The following SEPTIN9 variants were observed in gnomAD, a reference collection of about 807,000 sequenced individuals.
SEPTIN9 encodes septin 9.
A neutral mutation model predicts 56.6 loss-of-function variants in SEPTIN9; 13 were observed. The observed-to-expected ratio is 0.23, with a 90% CI of 0.15 to 0.37. SEPTIN9 has a LOEUF of 0.37. Ranked by LOEUF, SEPTIN9 falls within the 10% of genes least tolerant of loss-of-function variation. The pLI is 1.00. For missense variants in SEPTIN9, 650 were observed against 823.1 expected, an observed-to-expected ratio of 0.79 and a Z score of 2.57; for synonymous variants, 332 against 334.1, an observed-to-expected ratio of 0.99 and a Z score of 0.07.
chr17:77,420,228 G>A (rs2036650622), intron 3 of SEPTIN9, among the ~76,000 whole-genome samples: 1 of 152,220 alleles, frequency 6.6e-6, no homozygotes, highest in African/African-American at 2.4e-5. Flanking sequence ...GCTCTGTCTG[G>A]GGACCTTCTG....
At chr17:77,471,657 G>T (rs1431826802) in intron 3 of SEPTIN9, among the ~76,000 whole-genome samples, 1 of 152,198 alleles carries the variant, frequency 6.6e-6, no homozygotes, top group Non-Finnish European at 1.5e-5. Context: ...CCTGATAAGA[G>T]GAAATTCCAG....
Position 77,488,838 on chromosome 17 carries a change from C to G in SEPTIN9, c.1236C>G (p.Leu412=), listed in dbSNP as rs770323969. The G allele has an allele frequency of 1.9e-6, 3 of 1,613,750 alleles. No individual in the cohort carries two copies. ...CGGACACCCGCGTCCACTGCTGCCT[C>G]TACTTCATCCCCGCCACCGGCCACT... ...RIPDTRVHCC[L]YFIPATGHSL... The change falls in exon 7 of 12, where the codon CTC becomes CTG. Residue 412 remains leucine (L), a synonymous_variant. Coordinates refer to ENST00000427177, the MANE Select transcript of SEPTIN9 (RefSeq NM_001113491.2).
In SEPTIN9 at chr17:77,402,239, C is replaced by T. The variant is rs745723320; in HGVS notation, c.257C>T (p.Pro86Leu). 6.2e-7 allele frequency: 1 copy of T among 1,613,412 alleles called. No homozygotes were observed. Among genetic ancestry groups the T allele is most frequent in the Non-Finnish European group, 8.5e-7 (1 of 1,179,874 alleles). The change falls in exon 3 of 12, where the codon CCC (proline) becomes CTC (leucine). Residue 86 changes from proline (P) to leucine (L), a missense_variant. Transcript: ENST00000427177. The surrounding 1 kb of genome is among the most constrained non-coding windows in gnomAD (Gnocchi z 6.6). The part of the protein sequence containing the change: ...RHVDSLSQRS[P>L]KASLRRVELS... Reference sequence around the variant, plus strand: ...GTGGACTCCCTAAGCCAACGCTCCCCCAAGGCGTCCCTGCGGAGGGTGGAG... The same window carrying T: ...GTGGACTCCCTAAGCCAACGCTCCCTCAAGGCGTCCCTGCGGAGGGTGGAG...
At chr17:77,423,570 T>C (rs904781469) in intron 3 of SEPTIN9, among the ~76,000 whole-genome samples, 1 of 152,232 alleles carries the variant, frequency 6.6e-6, no homozygotes, top group African/African-American at 2.4e-5. Flanking sequence ...GAGCTGGCCC[T>C]GGCCATTGTC....
chr17:77,321,093 G>A (rs2032902592), intron 2 of SEPTIN9, among the ~76,000 whole-genome samples: 1 of 152,254 alleles, frequency 6.6e-6, no homozygotes, highest in Non-Finnish European at 1.5e-5. Context: ...CACGTGGCCA[G>A]CGCCGTCATC....
chr17:77,305,463 G>A (rs1023458147), intron 1 of SEPTIN9, among the ~76,000 whole-genome samples: 1 of 152,184 alleles, frequency 6.6e-6, no homozygotes, highest in Admixed American at 6.5e-5. Context: ...CTCCTTCAAG[G>A]CTCAGCTTTG....
Position 77,319,027 on chromosome 17 carries a change from G to A in SEPTIN9, c.76+11830G>A, listed in dbSNP as rs1441900400. ...CCAGGCAGGAAGGCTTCCGTGGTGC[G>A]GCCACGCGTCCTCCCTTTCTCAACA... On this transcript the variant is annotated intron_variant, in intron 2 of 11. Coordinates refer to ENST00000427177, the MANE Select transcript of SEPTIN9 (RefSeq NM_001113491.2). This position sits in a 1 kb window ranked among gnomAD's most constrained non-coding sequence, Gnocchi z 5.3. 1.3e-5 allele frequency among the ~76,000 whole-genome samples: 2 copies of A among 152,202 alleles called. No individual in the cohort carries two copies. The highest frequency in any genetic ancestry group is 1.9e-4 in the East Asian group (1 of 5,196).
Position 77,499,601 on chromosome 17 carries a change from GC to G in SEPTIN9, c.*944del. On this transcript the variant is annotated 3_prime_UTR_variant, in exon 12 of 12. Coordinates refer to ENST00000427177, the MANE Select transcript of SEPTIN9 (RefSeq NM_001113491.2). ...GCCGTGGCTTGGGCTGGTCAGAGTG[GC>G]GTGAGCTGCCCGGCGCCTGCCCTGC... 2.3e-6 allele frequency: 1 copy of G among 438,152 alleles called. No individual in the cohort carries two copies. Among genetic ancestry groups the G allele is most frequent in the South Asian group, 2.0e-5 (1 of 49,210 alleles). 27.1% of individuals were successfully genotyped at this position (438,152 alleles called of 1,614,324 possible).
chr17:77,488,244 T>C lies in SEPTIN9; in HGVS notation c.1047T>C (p.Ile349=). The C allele has an allele frequency of 6.2e-7, 1 of 1,613,670 alleles. No homozygotes were observed. The highest frequency in any genetic ancestry group is 8.5e-7 in the Non-Finnish European group (1 of 1,179,806). ...TIEIKSITHD[I]EEKGVRMKLT... The stretch of plus-strand genomic sequence containing the variant: ...TGCGTCCGTGGCTCTGTGCAGATAT[T>C]GAGGAGAAAGGCGTCCGGATGAAGC... Residue 349 remains isoleucine (I), a synonymous_variant, in exon 6 of 12, where the codon ATT becomes ATC. Coordinates refer to ENST00000427177, the MANE Select transcript of SEPTIN9 (RefSeq NM_001113491.2).
At chr17:77,332,042 GA>G (rs1269997669) in intron 2 of SEPTIN9, among the ~76,000 whole-genome samples, 4 of 152,184 alleles carry the variant, frequency 2.6e-5, no homozygotes, top group Non-Finnish European at 4.4e-5. Flanking sequence ...TTGGGAGGTT[GA>G]GGTAGGAGGA....
chr17:77,306,238 G>C (rs1358431394), intron 1 of SEPTIN9, among the ~76,000 whole-genome samples: 1 of 152,138 alleles, frequency 6.6e-6, no homozygotes, highest in Non-Finnish European at 1.5e-5. Context: ...GAGGTGTCTG[G>C]GTCTGCCTGA....
chr17:77,415,627 CAAAAAAA>C (rs772446190), intron 3 of SEPTIN9, among the ~76,000 whole-genome samples: 1 of 63,224 alleles, frequency 1.6e-5, no homozygotes, highest in African/African-American at 5.9e-5. Context: ...GACTATGTCT[CAAAAAAA>C]AAAAAAAAAA....
chr17:77,495,996 T>C (rs1462740475), intron 10 of SEPTIN9, among the ~76,000 whole-genome samples: 1 of 152,146 alleles, frequency 6.6e-6, no homozygotes, highest in Non-Finnish European at 1.5e-5. Context: ...TTGCGTTCTC[T>C]ATGCCTCATT....
chr17:77,413,489 A>T (rs2036377853), intron 3 of SEPTIN9, among the ~76,000 whole-genome samples: 1 of 152,170 alleles, frequency 6.6e-6, no homozygotes, highest in Admixed American at 6.5e-5. Flanking sequence ...GATTGACATG[A>T]TTGATCAGCA....
chr17:77,405,522 G>A lies in SEPTIN9; in HGVS notation c.721+2819G>A, dbSNP rs1227112082. Among the ~76,000 whole-genome samples, 1 of 152,228 alleles carries A rather than the reference G, an allele frequency of 6.6e-6. No individual in the cohort carries two copies. Among genetic ancestry groups the A allele is most frequent in the Non-Finnish European group, 1.5e-5 (1 of 68,038 alleles). Reference sequence around the variant, plus strand: ...CAGCATCCCAGACCCGGCCACCCACGGACAGGGACCTGTGCAGGTGGGAGT... The same window carrying A: ...CAGCATCCCAGACCCGGCCACCCACAGACAGGGACCTGTGCAGGTGGGAGT... On this transcript the variant is annotated intron_variant, in intron 3 of 11. Transcript: ENST00000427177. The surrounding 1 kb of genome is among the most constrained non-coding windows in gnomAD (Gnocchi z 5.8).
At chr17:77,398,901 G>T (rs1022725351) in intron 2 of SEPTIN9, among the ~76,000 whole-genome samples, 52 of 152,274 alleles carry the variant, frequency 3.4e-4, no homozygotes, top group Admixed American at 3.4e-3. Context: ...GGATCATAGA[G>T]CCAGGCAGTA....
rs1476621956 is a variant in SEPTIN9 at position 77,389,516 on chromosome 17, C to T, written c.77-12543C>T. Among the ~76,000 whole-genome samples the T allele has an allele frequency of 6.6e-6, 1 of 152,114 alleles. No individual in the cohort carries two copies. Among genetic ancestry groups the T allele is most frequent in the East Asian group, 1.9e-4 (1 of 5,180 alleles). Reference sequence around the variant, plus strand: ...CTCAGAGCTGCAGCCTGTGGTTTTTCGAAGTCAATCACCTCCCAGGGCCTC... The same window carrying T: ...CTCAGAGCTGCAGCCTGTGGTTTTTTGAAGTCAATCACCTCCCAGGGCCTC... On this transcript the variant is annotated intron_variant, in intron 2 of 11. Coordinates refer to ENST00000427177, the MANE Select transcript of SEPTIN9 (RefSeq NM_001113491.2). The surrounding 1 kb of genome is among the most constrained non-coding windows in gnomAD (Gnocchi z 4.3).
chr17:77,320,398 CG>C (rs750745487), intron 2 of SEPTIN9: 331 of 1,522,890 alleles, frequency 2.2e-4, no homozygotes, highest in Middle Eastern at 6.9e-4. Context: ...GCCCTGGACT[CG>C]GGGCTTTATT....
At chr17:77,345,850 C>T (rs775829443) in intron 2 of SEPTIN9, among the ~76,000 whole-genome samples, 11 of 152,168 alleles carry the variant, frequency 7.2e-5, no homozygotes, top group African/African-American at 2.2e-4. Context: ...TATCACGGAG[C>T]GGGGCCTGGC....
Sources: gnomAD v4.1 joint callset for allele counts (sites outside exome capture counted in the v4.1 genomes callset) on GRCh38, gnomAD v4.1.1 for gene constraint, Gnocchi (gnomAD v3.1) non-coding constraint, MANE v1.5 for transcripts, NCBI Gene and HGNC (gene_info 2026-07-23, HGNC 2026-07-21) for gene names.